Variants in FKBP9 observed in about 807,000 individuals in gnomAD.
FKBP9 encodes the protein peptidyl-prolyl cis-trans isomerase FKBP9.
In FKBP9, 27 loss-of-function variants were observed where a neutral mutation model predicts 55.6. That is an observed-to-expected ratio of 0.49 (90% CI 0.36 to 0.67). The LOEUF (loss-of-function observed/expected upper bound fraction) is 0.67, where lower values mean the gene tolerates loss of function less well. FKBP9 is among the 30% of genes least tolerant of loss of function. The probability of loss-of-function intolerance (pLI) is 0.00; values close to 1 mark genes in which losing one functional copy is unlikely to be tolerated. For synonymous variants in FKBP9, 267 were observed against 296.5 expected (o/e 0.90, Z 1.02); for missense variants, 539 against 742.8 (o/e 0.73, Z 3.19).
chr7:32,957,460 G>A lies in FKBP9; in HGVS notation c.-114G>A. The A allele has an allele frequency of 1.3e-6, 1 of 770,752 alleles. No homozygotes were observed. The highest frequency in any genetic ancestry group is 1.8e-6 in the Non-Finnish European group (1 of 556,134). 47.7% of individuals were successfully genotyped at this position (770,752 alleles called of 1,614,324 possible). On this transcript the variant is annotated 5_prime_UTR_variant, in exon 1 of 10. Coordinates refer to ENST00000242209, the MANE Select transcript of FKBP9 (RefSeq NM_007270.5). ...CCGGGGAGACGGGGTGGCGGCTGCA[G>A]CCCGGGTAGGGCCAGGAGACCCGGT...
Position 32,970,439 on chromosome 7 carries a change from G to A in FKBP9, c.222-4178G>A, listed in dbSNP as rs536221180. On this transcript the variant is annotated intron_variant, in intron 1 of 9. Transcript: ENST00000242209. ...TCAAACTCCTGACTTCAGGTGATCC[G>A]CCCGCCTTGGCCTCCCAAAGTGCAG... 4.2e-3 allele frequency among the ~76,000 whole-genome samples: 641 copies of A among 151,884 alleles called. 5 individuals are homozygous for A. The highest frequency in any genetic ancestry group is 0.015 in the African/African-American group (614 of 41,414).
chr7:32,960,635 G>A (rs1303221100), intron 1 of FKBP9, among the ~76,000 whole-genome samples: 1 of 152,146 alleles, frequency 6.6e-6, no homozygotes, highest in Admixed American at 6.5e-5. Context: ...ACATCTCTAG[G>A]GCTGGCAGCC....
chr7:32,994,386 G>A (rs1410577345), intron 6 of FKBP9, among the ~76,000 whole-genome samples: 1 of 152,198 alleles, frequency 6.6e-6, no homozygotes, highest in Non-Finnish European at 1.5e-5. Flanking sequence ...TTAGCATAAT[G>A]TTTTCGGGTT....
chr7:32,976,215 A>G, intron 3 of FKBP9, 139 bp from the exon 4 acceptor site: 8 of 937,444 alleles, frequency 8.5e-6, no homozygotes, highest in Non-Finnish European at 1.1e-5. Context: ...TTTGGGGGAA[A>G]AGATCCATAA....
At chr7:32,971,248 C>A (rs1784247195) in intron 1 of FKBP9, among the ~76,000 whole-genome samples, 1 of 152,154 alleles carries the variant, frequency 6.6e-6, no homozygotes, top group Non-Finnish European at 1.5e-5. Flanking sequence ...TTGTTCAGAA[C>A]AACTTTATTT....
rs970974237 is a variant in FKBP9, at chr7:32,994,871, A to G, written c.1040-1292A>G. 5 of 178,728 alleles carry G rather than the reference A, an allele frequency of 2.8e-5. No individual in the cohort carries two copies. The Admixed American group carries it at 3.2e-4, about 11-fold the overall frequency. The allele number at this position is 178,728 out of a possible 1,614,324, so 11.1% of individuals were successfully genotyped here. ...AAAAGTACGTGTTGGGACAGGAGGT[A>G]AGGAGGGACTGTTGGAGTTTGTGTA... On this transcript the variant is annotated intron_variant, in intron 6 of 9. Transcript: ENST00000242209.
intron 5 of FKBP9, among the ~76,000 whole-genome samples, chr7:32,987,248 C>A (rs1296049504): frequency 6.6e-6 from 1 of 152,146 alleles, no homozygotes; most frequent in Non-Finnish European, 1.5e-5. Context: ...TGTAATTCCA[C>A]ACTTTCGGAG....
At position 32,957,482 on chromosome 7, in the gene FKBP9, C is replaced by T. The variant is rs1783921847; in HGVS notation, c.-92C>T. ...GCAGCCCGGGTAGGGCCAGGAGACC[C>T]GGTCCACGTTTGCAAACGCAGCCGA... On this transcript the variant is annotated 5_prime_UTR_variant, in exon 1 of 10. Transcript: ENST00000242209. The T allele has an allele frequency of 5.1e-6, 5 of 987,692 alleles. No homozygotes were observed. The highest frequency in any genetic ancestry group is 5.4e-6 in the Non-Finnish European group (4 of 736,682). 61.2% of individuals were successfully genotyped at this position (987,692 alleles called of 1,614,324 possible).
rs373173933 is a variant in FKBP9, at chr7:32,988,521, G to A, written c.908G>A (p.Arg303His). 44 of 1,613,674 alleles carry A rather than the reference G, an allele frequency of 2.7e-5. No individual in the cohort carries two copies. Among genetic ancestry groups the A allele is most frequent in the Middle Eastern group, 3.3e-4 (2 of 6,078 alleles). The change falls in exon 6 of 10, where the codon CGC (arginine) becomes CAC (histidine). Residue 303 changes from arginine (R) to histidine (H), a missense_variant. By Grantham distance (29) the Arg-to-His change is conservative. Around this residue, in one of 4 missense-constraint regions of FKBP9, gnomAD observed 172 missense variants for 205.3 expected, o/e 0.84. Coordinates refer to ENST00000242209, the MANE Select transcript of FKBP9 (RefSeq NM_007270.5). ...TTCTTTTCTAGCTACTCTCGGAACC[G>A]CACGTTTGACACGTACATTGGGCAG... ...TLFDSSYSRNRTFDTYIGQGY... is the reference protein window; with the variant it reads ...TLFDSSYSRNHTFDTYIGQGY...
At chr7:32,969,001 G>A (rs1192938285) in intron 1 of FKBP9, among the ~76,000 whole-genome samples, 1 of 152,172 alleles carries the variant, frequency 6.6e-6, no homozygotes, top group Non-Finnish European at 1.5e-5. Flanking sequence ...GTTTAGTGAT[G>A]TGGAGCATCT....
rs1784325478 is a variant in FKBP9 at position 32,974,644 on chromosome 7, G to A, written c.249G>A (p.Val83=). ...SSYDRDSTFN[V]FVGKGQLITG... Reference sequence around the variant, plus strand: ...ATGACAGAGACTCCACTTTCAATGTGTTTGTGGGAAAAGGACAGCTGATCA... The same window carrying A: ...ATGACAGAGACTCCACTTTCAATGTATTTGTGGGAAAAGGACAGCTGATCA... The change falls in exon 2 of 10, where the codon GTG becomes GTA. Residue 83 remains valine, a synonymous_variant. Coordinates refer to ENST00000242209, the MANE Select transcript of FKBP9 (RefSeq NM_007270.5). 11 of 1,613,864 alleles carry A rather than the reference G, an allele frequency of 6.8e-6. No individual in the cohort carries two copies. Among genetic ancestry groups the A allele is most frequent in the Middle Eastern group, 1.7e-4 (1 of 6,056 alleles).
chr7:32,972,355 A>AG (rs1784270680), intron 1 of FKBP9, among the ~76,000 whole-genome samples: 1 of 152,172 alleles, frequency 6.6e-6, no homozygotes, highest in Non-Finnish European at 1.5e-5. Context: ...CTGTAAAACT[A>AG]GGAGGAGAGG....
At chr7:32,965,814 T>A (rs949684065) in intron 1 of FKBP9, among the ~76,000 whole-genome samples, 3,908 of 13,996 alleles carry the variant, frequency 0.28, 202 homozygotes, top group Admixed American at 0.4. Context: ...AAAAAAAAAA[T>A]ATATATATAT....
chr7:32,999,539 C>T (rs1328562711), intron 7 of FKBP9, among the ~76,000 whole-genome samples: 6 of 149,404 alleles, frequency 4.0e-5, no homozygotes, highest in Non-Finnish European at 8.9e-5. Flanking sequence ...CAAGGCCAAA[C>T]ATTTATTGAG....
In FKBP9 at chr7:32,957,572, C is replaced by A; in HGVS notation, c.-2C>A. 6.8e-7 allele frequency: 1 copy of A among 1,462,280 alleles called. No individual in the cohort carries two copies. Among genetic ancestry groups the A allele is most frequent in the Non-Finnish European group, 9.0e-7 (1 of 1,116,248 alleles). The allele number at this position is 1,462,280 out of a possible 1,614,324, so 90.6% of individuals were successfully genotyped here. ...GTCCGCGCCACTCTTCTCGCCGCCC[C>A]GATGGCGTTCCGGGGCTGGAGGCCC... On this transcript the variant is annotated 5_prime_UTR_variant, in exon 1 of 10. Coordinates refer to ENST00000242209, the MANE Select transcript of FKBP9 (RefSeq NM_007270.5).
intron 4 of FKBP9, among the ~76,000 whole-genome samples, chr7:32,977,870 C>CATATATATATATAT (rs748298046): frequency 2.2e-4 from 27 of 124,648 alleles, no homozygotes; most frequent in African/African-American, 5.7e-4. Context: ...TATACATGCC[C>CATATATATATATAT]ATATATATAT....
chr7:33,006,820 T>C lies in FKBP9; in HGVS notation c.*1469T>C, dbSNP rs1201111121. On this transcript the variant is annotated 3_prime_UTR_variant, in exon 10 of 10. Transcript: ENST00000242209. ...ACTACTTTATTTTACTAATTTAAAC[T>C]ATTTTGTACTGATGTAGCCCTGAGG... 1 of 197,234 alleles carries C rather than the reference T, an allele frequency of 5.1e-6. No homozygotes were observed. The highest frequency in any genetic ancestry group is 2.3e-5 in the African/African-American group (1 of 43,324). The allele number at this position is 197,234 out of a possible 1,614,324, so 12.2% of individuals were successfully genotyped here.
intron 1 of FKBP9, among the ~76,000 whole-genome samples, chr7:32,961,085 T>C (rs750497685): frequency 6.6e-6 from 1 of 152,136 alleles, no homozygotes; most frequent in Non-Finnish European, 1.5e-5. Context: ...CCCATGTATA[T>C]GACAGAAGAA....
chr7:33,001,548 T>C (rs1287892302), intron 8 of FKBP9, among the ~76,000 whole-genome samples: 1 of 151,436 alleles, frequency 6.6e-6, no homozygotes, highest in Admixed American at 6.6e-5. Context: ...AAAAAAAAAT[T>C]GTTGTATATT....
Sources: allele counts gnomAD v4.1 joint callset (sites outside exome capture counted in the v4.1 genomes callset), GRCh38; gene constraint gnomAD v4.1.1; regional missense constraint gnomAD v4.1.1; transcripts MANE v1.5; gene names NCBI Gene and HGNC (gene_info 2026-07-23, HGNC 2026-07-21).